SLC16A7: variants seen among roughly 807,000 people sequenced by gnomAD.
SLC16A7 encodes solute carrier family 16 member 7.
In SLC16A7, 33 loss-of-function variants were observed where a neutral mutation model predicts 34.9. That is an observed-to-expected ratio of 0.94 (90% CI 0.72 to 1.26). The LOEUF is 1.26. Among genes scored for constraint, SLC16A7 ranks in the 50% most tolerant of loss-of-function variants. SLC16A7 has a pLI of 0.00. For missense variants in SLC16A7, 573 were observed against 578.1 expected (o/e 0.99, Z 0.09); for synonymous variants, 201 against 206.6 (o/e 0.97, Z 0.23).
At chr12:59,768,127 T>C (rs1276032061) in intron 3 of SLC16A7, 1 of 454,204 alleles carries the variant, frequency 2.2e-6, no homozygotes. Context: ...AGCTTACAGC[T>C]GCCGTACATA....
Position 59,726,841 on chromosome 12 carries a change from T to C in SLC16A7, c.217+21823T>C, listed in dbSNP as rs1252584721. Among the ~76,000 whole-genome samples, 10 of 152,084 alleles carry C rather than the reference T, an allele frequency of 6.6e-5. No individual in the cohort carries two copies. The East Asian group carries it at 1.9e-3, about 29-fold the overall frequency. ...ATTATATACATAATCTGAAAAAAAT[T>C]AGGAATTGTATGGGAAACAATACTT... is the stretch of plus-strand genomic sequence containing the variant. On this transcript the variant is annotated intron_variant, in intron 3 of 5. Coordinates refer to ENST00000547379, the MANE Select transcript of SLC16A7 (RefSeq NM_001270623.2).
rs764411635 is a variant in SLC16A7 at position 59,704,866 on chromosome 12, T to C, written c.65T>C (p.Val22Ala). ...CCAGATGGAGGATGGGGTTGGATTG[T>C]GGTTGGAGCAGCTTTTATCTCCATT... ...PPPDGGWGWI[V>A]VGAAFISIGF... Residue 22 changes from valine to alanine, a missense_variant, in exon 3 of 6, where the codon GTG (valine) becomes GCG (alanine). Coordinates refer to ENST00000547379, the MANE Select transcript of SLC16A7 (RefSeq NM_001270623.2). 3.7e-6 allele frequency: 6 copies of C among 1,613,842 alleles called. No individual in the cohort carries two copies. Among genetic ancestry groups the C allele is most frequent in the Non-Finnish European group, 5.1e-6 (6 of 1,179,926 alleles).
At chr12:59,626,160 T>A (rs1222584604) in intron 1 of SLC16A7, among the ~76,000 whole-genome samples, 1 of 151,790 alleles carries the variant, frequency 6.6e-6, no homozygotes, top group African/African-American at 2.4e-5. Flanking sequence ...TAATCTTAAT[T>A]TTTTTATGTA....
intron 2 of SLC16A7, among the ~76,000 whole-genome samples, chr12:59,668,739 AGG>A (rs1869423271): frequency 6.6e-6 from 1 of 152,294 alleles, no homozygotes; most frequent in Non-Finnish European, 1.5e-5. Context: ...GAAATTTGGA[AGG>A]GGCTAGGAGT....
intron 1 of SLC16A7, among the ~76,000 whole-genome samples, chr12:59,622,736 C>G (rs1205045469): frequency 6.6e-6 from 1 of 151,710 alleles, no homozygotes; most frequent in Non-Finnish European, 1.5e-5. Context: ...TTATATTTGA[C>G]AATATCCAAA....
chr12:59,610,111 G>A (rs1879127694), intron 1 of SLC16A7, among the ~76,000 whole-genome samples: 1 of 152,120 alleles, frequency 6.6e-6, no homozygotes, highest in South Asian at 2.1e-4. Context: ...TTCTTCCGAG[G>A]TAGAGTGGAA....
intron 2 of SLC16A7, among the ~76,000 whole-genome samples, chr12:59,690,170 GAGA>G (rs567584355): frequency 1.0e-3 from 156 of 152,086 alleles, no homozygotes; most frequent in African/African-American, 3.3e-3. Context: ...GACTCTGGGA[GAGA>G]AGAAAAGACT....
intron 2 of SLC16A7, among the ~76,000 whole-genome samples, chr12:59,680,630 A>G (rs1478403588): frequency 1.3e-5 from 2 of 152,082 alleles, no homozygotes; most frequent in Non-Finnish European, 2.9e-5. Flanking sequence ...ATAGAATGCA[A>G]TCTATAATTA....
chr12:59,636,023 T>G (rs1880408637), intron 1 of SLC16A7, among the ~76,000 whole-genome samples: 1 of 150,000 alleles, frequency 6.7e-6, no homozygotes, highest in African/African-American at 2.4e-5. Context: ...AAAAAAACTG[T>G]GTAGGGTATG....
intron 2 of SLC16A7, among the ~76,000 whole-genome samples, chr12:59,690,101 C>A (rs1871471893): frequency 1.3e-5 from 2 of 151,958 alleles, no homozygotes; most frequent in African/African-American, 4.8e-5. Context: ...GATATACACA[C>A]AATGATTGTT....
At chr12:59,645,350 T>C (rs1880861369) in intron 1 of SLC16A7, among the ~76,000 whole-genome samples, 1 of 152,164 alleles carries the variant, frequency 6.6e-6, no homozygotes, top group African/African-American at 2.4e-5. Flanking sequence ...TCATCTTGAA[T>C]TGTAGTTCCC....
intron 2 of SLC16A7, among the ~76,000 whole-genome samples, chr12:59,672,726 G>T (rs1253146938): frequency 6.6e-6 from 1 of 152,000 alleles, no homozygotes; most frequent in Admixed American, 6.6e-5. Flanking sequence ...TGATTCTTTG[G>T]CTGACTTTGG....
At position 59,785,918 on chromosome 12, in the gene SLC16A7, A is replaced by G. The variant is rs539218058; in HGVS notation, c.*6239A>G. On this transcript the variant is annotated 3_prime_UTR_variant, in exon 6 of 6. Coordinates refer to ENST00000547379, the MANE Select transcript of SLC16A7 (RefSeq NM_001270623.2). ...GATGAAATTAGAAATCATCATTCTC[A>G]GTAAACTATCGCAAGAACAAAAAAC... 84 of 151,336 alleles carry G rather than the reference A, an allele frequency of 5.6e-4. No individual in the cohort carries two copies. Among genetic ancestry groups the G allele is most frequent in the African/African-American group, 2.0e-3 (83 of 41,250 alleles). The allele number at this position is 151,336 out of a possible 1,614,324, so 9.4% of individuals were successfully genotyped here.
chr12:59,652,815 G>T (rs989969432), intron 1 of SLC16A7, among the ~76,000 whole-genome samples: 4 of 151,600 alleles, frequency 2.6e-5, no homozygotes, highest in Non-Finnish European at 5.9e-5. Flanking sequence ...TTATGAAAAA[G>T]TTGCCTTTTA....
At chr12:59,708,566 A>G (rs1169296387) in intron 3 of SLC16A7, among the ~76,000 whole-genome samples, 1 of 152,188 alleles carries the variant, frequency 6.6e-6, no homozygotes, top group Non-Finnish European at 1.5e-5. Context: ...GAGTCTCTCT[A>G]GCAAGTAGCT....
chr12:59,694,103 T>C (rs1310515633), intron 2 of SLC16A7, among the ~76,000 whole-genome samples: 1 of 151,974 alleles, frequency 6.6e-6, no homozygotes, highest in Non-Finnish European at 1.5e-5. Context: ...ATAAATCATA[T>C]GGCATGTGTG....
intron 3 of SLC16A7, among the ~76,000 whole-genome samples, chr12:59,749,673 G>A (rs1879287581): frequency 1.3e-5 from 2 of 152,170 alleles, no homozygotes; most frequent in African/African-American, 4.8e-5. Flanking sequence ...TATAGAAAAA[G>A]CCATGAAAGT....
At chr12:59,671,672 C>CTA (rs1275077763) in intron 2 of SLC16A7, among the ~76,000 whole-genome samples, 17 of 139,618 alleles carry the variant, frequency 1.2e-4, no homozygotes, top group Admixed American at 3.0e-4. Context: ...CTCTCTCTCT[C>CTA]TCTCTCTATA....
At chr12:59,744,519 C>A (rs1878678605) in intron 3 of SLC16A7, among the ~76,000 whole-genome samples, 2 of 152,130 alleles carry the variant, frequency 1.3e-5, no homozygotes, top group South Asian at 4.1e-4. Context: ...TATTCACCAA[C>A]CCTCAATTCA....
Sources: allele counts gnomAD v4.1 joint callset (sites outside exome capture counted in the v4.1 genomes callset), GRCh38; gene constraint gnomAD v4.1.1; transcripts MANE v1.5; gene names NCBI Gene and HGNC (gene_info 2026-07-23, HGNC 2026-07-21).